ARHGAP28: variants seen among roughly 807,000 people sequenced by gnomAD.
The protein encoded by ARHGAP28 is rho GTPase-activating protein 28.
Under a neutral mutation model 90.7 loss-of-function variants are expected in ARHGAP28, and 56 were observed. That is an observed-to-expected ratio of 0.62 (90% CI 0.50 to 0.77). The LOEUF (loss-of-function observed/expected upper bound fraction) is 0.77. ARHGAP28 is among the 30% of genes least tolerant of loss of function. The pLI is 0.00. For synonymous variants in ARHGAP28, 308 were observed against 323.3 expected (o/e 0.95, Z 0.51); for missense variants, 869 against 900.9 (o/e 0.96, Z 0.45).
chr18:6,807,377 A>C (rs2143663754), intron 1 of ARHGAP28, among the ~76,000 whole-genome samples: 1 of 151,900 alleles, frequency 6.6e-6, no homozygotes, highest in South Asian at 2.1e-4. Context: ...TTTTTATTGG[A>C]ATTTGCAGTG....
At chr18:6,823,565 C>T (rs2056640169) in intron 1 of ARHGAP28, among the ~76,000 whole-genome samples, 1 of 151,068 alleles carries the variant, frequency 6.6e-6, no homozygotes, top group Non-Finnish European at 1.5e-5. Flanking sequence ...AGTATATACC[C>T]AGAAGTGGAA....
chr18:6,732,515 A>G (rs1010825033), intron 1 of ARHGAP28, among the ~76,000 whole-genome samples: 4 of 152,248 alleles, frequency 2.6e-5, no homozygotes, highest in Admixed American at 6.5e-5. Context: ...AAAAAATTGA[A>G]GGACCCAGCA....
Position 6,786,793 on chromosome 18 carries a change from GAA to G in ARHGAP28, c.123-37960_123-37959del, listed in dbSNP as rs146916949. 7.7e-4 allele frequency among the ~76,000 whole-genome samples: 115 copies of G among 149,072 alleles called. 1 individual carries two copies. The highest frequency in any genetic ancestry group is 2.4e-3 in the African/African-American group (99 of 40,806). ...TAATTATAAAGCTATTTGCTGTGGG[GAA>G]AAAAAAAATCCCTAAAATAGCAAAT... On this transcript the variant is annotated intron_variant, in intron 1 of 17. Transcript: ENST00000383472.
At chr18:6,740,119 G>T (rs2055963658) in intron 1 of ARHGAP28, among the ~76,000 whole-genome samples, 1 of 152,306 alleles carries the variant, frequency 6.6e-6, no homozygotes. Flanking sequence ...CTCCCAAAGT[G>T]CTGGGATTAC....
chr18:6,873,389 A>G lies in ARHGAP28; in HGVS notation c.955-20A>G. Reference sequence around the variant, plus strand: ...TTTTCCTTTGCCATAAAAAATAAATACCTTCACTGTGTGTTTTAGAAATTT... The same window carrying G: ...TTTTCCTTTGCCATAAAAAATAAATGCCTTCACTGTGTGTTTTAGAAATTT... On this transcript the variant is annotated intron_variant, in intron 7 of 17. Transcript: ENST00000383472. 1 of 1,589,894 alleles carries G rather than the reference A, an allele frequency of 6.3e-7. No homozygotes were observed. The highest frequency in any genetic ancestry group is 1.2e-5 in the South Asian group (1 of 86,340).
chr18:6,912,005 G>A (rs1346931), intron 17 of ARHGAP28, 55 bp from the exon 18 acceptor site: 964,185 of 1,163,064 alleles, frequency 0.83, 402,662 homozygotes, highest in Non-Finnish European at 0.86. Context: ...ATATGTGTGC[G>A]CACGCACACA....
At chr18:6,865,961 T>C (rs1047089808) in intron 5 of ARHGAP28, among the ~76,000 whole-genome samples, 2 of 152,140 alleles carry the variant, frequency 1.3e-5, no homozygotes, top group African/African-American at 4.8e-5. Context: ...GAAGGTTGCT[T>C]TAAATGGGGG....
chr18:6,883,837 T>C (rs1313352732), intron 11 of ARHGAP28, among the ~76,000 whole-genome samples: 1 of 152,114 alleles, frequency 6.6e-6, no homozygotes, highest in East Asian at 1.9e-4. Flanking sequence ...CCGTGACCAG[T>C]ATCTATTTTC....
chr18:6,833,446 T>TTCTC (rs1271049481), intron 2 of ARHGAP28, among the ~76,000 whole-genome samples: 1 of 151,384 alleles, frequency 6.6e-6, no homozygotes, highest in East Asian at 1.9e-4. Context: ...CTCTCTCTCT[T>TTCTC]TCTCTCTCTC....
At chr18:6,871,205 G>T (rs546845502) in intron 7 of ARHGAP28, among the ~76,000 whole-genome samples, 11 of 152,374 alleles carry the variant, frequency 7.2e-5, no homozygotes, top group African/African-American at 2.6e-4. Context: ...ACCACTTGTT[G>T]TGCAGTGCAC....
intron 16 of ARHGAP28, among the ~76,000 whole-genome samples, chr18:6,907,452 C>A (rs1260348926): frequency 1.3e-5 from 2 of 150,974 alleles, no homozygotes; most frequent in Non-Finnish European, 2.9e-5. Flanking sequence ...AGAAACTGGC[C>A]CATCTATACC....
intron 12 of ARHGAP28, 105 bp downstream of exon 12, chr18:6,887,344 G>A (rs1843786890): frequency 2.0e-6 from 2 of 994,544 alleles, no homozygotes; most frequent in Middle Eastern, 3.0e-4. Context: ...TGAGCCACCT[G>A]AGCATGCTGC....
chr18:6,746,361 T>C (rs2056023496), intron 1 of ARHGAP28, among the ~76,000 whole-genome samples: 1 of 152,168 alleles, frequency 6.6e-6, no homozygotes, highest in African/African-American at 2.4e-5. Flanking sequence ...ACTGTTGTTA[T>C]CGAGAAAGCA....
intron 4 of ARHGAP28, among the ~76,000 whole-genome samples, chr18:6,857,564 C>T (rs990547621): frequency 5.3e-5 from 8 of 152,172 alleles, no homozygotes; most frequent in African/African-American, 1.9e-4. Flanking sequence ...GGTTGTGCCT[C>T]CAGTGGAGGG....
At chr18:6,841,203 C>CTCTCTCTCCTCTCTCTCTCTCCTCTCTCT (rs754874496) in intron 3 of ARHGAP28, among the ~76,000 whole-genome samples, 1 of 41,972 alleles carries the variant, frequency 2.4e-5, no homozygotes, top group African/African-American at 1.2e-4. Flanking sequence ...CTCTCTCTCT[C>CTCTCTCTCCTCTCTCTCTCTCCTCTCTCT]CTCTCCTCTC....
intron 3 of ARHGAP28, among the ~76,000 whole-genome samples, chr18:6,848,317 A>G (rs2056882448): frequency 6.6e-6 from 1 of 152,030 alleles, no homozygotes; most frequent in Non-Finnish European, 1.5e-5. Context: ...TGGGGAGTAA[A>G]ACTTCCCTCA....
intron 11 of ARHGAP28, among the ~76,000 whole-genome samples, chr18:6,884,093 G>T (rs112295503): frequency 6.6e-6 from 1 of 152,110 alleles, no homozygotes; most frequent in African/African-American, 2.4e-5. Context: ...CCTTGTTGGC[G>T]GCCAGGCGTG....
At chr18:6,879,988 G>A (rs1469082948) in intron 10 of ARHGAP28, among the ~76,000 whole-genome samples, 2 of 152,138 alleles carry the variant, frequency 1.3e-5, no homozygotes, top group Non-Finnish European at 2.9e-5. Flanking sequence ...AGGTTAGGAC[G>A]GCCACATTTG....
intron 16 of ARHGAP28, among the ~76,000 whole-genome samples, chr18:6,900,559 T>C (rs998778845): frequency 1.3e-5 from 2 of 151,860 alleles, no homozygotes; most frequent in African/African-American, 4.8e-5. Flanking sequence ...AGGGTGAAGA[T>C]AACAGCGGAT....
Sources: gnomAD v4.1 joint callset for allele counts (sites outside exome capture counted in the v4.1 genomes callset) on GRCh38, gnomAD v4.1.1 for gene constraint, MANE v1.5 for transcripts, NCBI Gene and HGNC (gene_info 2026-07-23, HGNC 2026-07-21) for gene names.